PDE6C: variants seen among roughly 807,000 people sequenced by gnomAD.
The protein encoded by PDE6C is phosphodiesterase 6C.
Under a neutral mutation model 113.1 loss-of-function variants are expected in PDE6C, and 75 were observed. That is an observed-to-expected ratio of 0.66 (90% CI 0.55 to 0.80). The LOEUF is 0.80. Ranked by LOEUF, PDE6C falls within the 30% of genes least tolerant of loss-of-function variation. The pLI is 0.00. For missense variants in PDE6C, 912 were observed against 1,038.6 expected (o/e 0.88, Z 1.67); for synonymous variants, 375 against 363.7 (o/e 1.03, Z -0.35).
intron 3 of PDE6C, among the ~76,000 whole-genome samples, chr10:93,621,486 G>A (rs977990290): frequency 6.6e-6 from 1 of 152,168 alleles, no homozygotes; most frequent in African/African-American, 2.4e-5. Flanking sequence ...ACGAGTAGAG[G>A]TTGAGAGGGA....
intron 14 of PDE6C, among the ~76,000 whole-genome samples, chr10:93,641,636 T>C (rs1219435877): frequency 6.6e-6 from 1 of 151,982 alleles, no homozygotes; most frequent in Non-Finnish European, 1.5e-5. Context: ...AAAGAGAGAC[T>C]CTGTCTCGAA....
intron 16 of PDE6C, among the ~76,000 whole-genome samples, chr10:93,656,127 C>T (rs146063123): frequency 7.3e-4 from 111 of 152,266 alleles, no homozygotes; most frequent in African/African-American, 2.5e-3. Context: ...GGTTGCTCTC[C>T]GAACAGGTTT....
intron 8 of PDE6C, among the ~76,000 whole-genome samples, chr10:93,633,402 G>A (rs1463354186): frequency 1.3e-5 from 2 of 149,444 alleles, no homozygotes; most frequent in African/African-American, 2.5e-5. Context: ...GGAGGCAGAG[G>A]TTGCAGTGAG....
At position 93,665,944 on chromosome 10, in the gene PDE6C, G is replaced by T. The variant is rs930442611; in HGVS notation, c.*526G>T. On this transcript the variant is annotated 3_prime_UTR_variant, in exon 22 of 22. Coordinates refer to ENST00000371447, the MANE Select transcript of PDE6C (RefSeq NM_006204.4). Reference sequence around the variant, plus strand: ...TCCTTTTCTTATAAGGACTCCAGTAGGACTGGATTAGGGCCTACCCATGTG... The same window carrying T: ...TCCTTTTCTTATAAGGACTCCAGTATGACTGGATTAGGGCCTACCCATGTG... 11 of 181,246 alleles carry T rather than the reference G, an allele frequency of 6.1e-5. No individual in the cohort carries two copies. The highest frequency in any genetic ancestry group is 1.7e-4 in the Admixed American group (3 of 17,624). The allele number at this position is 181,246 out of a possible 1,614,324, so 11.2% of individuals were successfully genotyped here. A position where few individuals can be genotyped will look rare whatever the true frequency, so the allele number is the denominator to read the frequency against.
At chr10:93,634,478 C>T (rs1484186793) in intron 8 of PDE6C, among the ~76,000 whole-genome samples, 1 of 152,180 alleles carries the variant, frequency 6.6e-6, no homozygotes, top group Non-Finnish European at 1.5e-5. Flanking sequence ...TATGTACACA[C>T]ACACATATAT....
chr10:93,613,009 G>T lies in PDE6C; in HGVS notation c.284G>T (p.Arg95Leu), dbSNP rs143356640. ...QRLAHLLQAD[R>L]CSMFLCRSRN... is the part of the protein sequence containing the mutation. Reference sequence around the variant, plus strand: ...CTGGCCCACCTGCTCCAGGCTGACCGCTGCAGCATGTTCCTGTGCCGGTCC... The same window carrying T: ...CTGGCCCACCTGCTCCAGGCTGACCTCTGCAGCATGTTCCTGTGCCGGTCC... The change falls in exon 1 of 22, where the codon CGC (arginine) becomes CTC (leucine). Residue 95 changes from arginine to leucine, a missense_variant. Coordinates refer to ENST00000371447, the MANE Select transcript of PDE6C (RefSeq NM_006204.4). 6.2e-7 allele frequency: 1 copy of T among 1,614,114 alleles called. No individual in the cohort carries two copies. Among genetic ancestry groups the T allele is most frequent in the South Asian group, 1.1e-5 (1 of 91,080 alleles).
intron 21 of PDE6C, among the ~76,000 whole-genome samples, chr10:93,663,390 G>A (rs539822999): frequency 1.3e-5 from 2 of 152,258 alleles, no homozygotes; most frequent in South Asian, 2.1e-4. Flanking sequence ...CGAATTGACC[G>A]GTCCAGTTGA....
intron 11 of PDE6C, among the ~76,000 whole-genome samples, chr10:93,638,677 G>A (rs765622919): frequency 2.6e-5 from 4 of 152,178 alleles, no homozygotes; most frequent in Non-Finnish European, 5.9e-5. Context: ...ATTGAGGAAC[G>A]TAACAAATAT....
chr10:93,619,492 T>G (rs2058435148), intron 1 of PDE6C, among the ~76,000 whole-genome samples: 1 of 152,182 alleles, frequency 6.6e-6, no homozygotes, highest in Non-Finnish European at 1.5e-5. Context: ...AATGGCGCGA[T>G]CTTGGCTTAC....
chr10:93,619,309 T>C (rs1277752881), intron 1 of PDE6C, among the ~76,000 whole-genome samples: 1 of 152,174 alleles, frequency 6.6e-6, no homozygotes, highest in Non-Finnish European at 1.5e-5. Flanking sequence ...AAAATAGGAA[T>C]GGAAGACATA....
At chr10:93,641,769 AC>A (rs1465857618) in intron 14 of PDE6C, among the ~76,000 whole-genome samples, 1 of 151,882 alleles carries the variant, frequency 6.6e-6, no homozygotes, top group Non-Finnish European at 1.5e-5. Flanking sequence ...ACTACCCTTC[AC>A]CTCCCTGGTC....
At chr10:93,656,914 G>T (rs1436921996) in intron 16 of PDE6C, among the ~76,000 whole-genome samples, 1 of 151,946 alleles carries the variant, frequency 6.6e-6, no homozygotes, top group African/African-American at 2.4e-5. Flanking sequence ...CAAATACTAA[G>T]AATAATAAAA....
intron 1 of PDE6C, among the ~76,000 whole-genome samples, chr10:93,619,851 T>C (rs1431937649): frequency 6.6e-6 from 1 of 152,162 alleles, no homozygotes; most frequent in Non-Finnish European, 1.5e-5. Context: ...GAAGGATTAG[T>C]GCAGTATTGT....
chr10:93,637,988 C>CT (rs532458979), intron 11 of PDE6C, among the ~76,000 whole-genome samples: 2 of 152,124 alleles, frequency 1.3e-5, no homozygotes, highest in Non-Finnish European at 2.9e-5. Flanking sequence ...TTGGAATGAT[C>CT]TTTTTTGGCT....
chr10:93,643,367 G>T (rs942274193), intron 14 of PDE6C, among the ~76,000 whole-genome samples: 21 of 152,006 alleles, frequency 1.4e-4, no homozygotes, highest in African/African-American at 5.1e-4. Context: ...GTCAGTGTGT[G>T]TGAATGTCTG....
chr10:93,625,087 G>A (rs1191548871), intron 4 of PDE6C, among the ~76,000 whole-genome samples: 1 of 152,156 alleles, frequency 6.6e-6, no homozygotes, highest in Non-Finnish European at 1.5e-5. Flanking sequence ...ACCTCATGTA[G>A]ACCACTCATG....
In PDE6C at chr10:93,626,729, C is replaced by A. The variant is rs769501918; in HGVS notation, c.1004+25C>A. The A allele has an allele frequency of 3.8e-6, 6 of 1,599,652 alleles. No homozygotes were observed. The African/African-American group carries it at 8.0e-5, about 21-fold the overall frequency. ...CGTGAGTATTGGCAGGAAGTTGCTG[C>A]CGCAGTTGCCGTTGTATTTTTGCAC... On this transcript the variant is annotated intron_variant, in intron 6 of 21. Coordinates refer to ENST00000371447, the MANE Select transcript of PDE6C (RefSeq NM_006204.4).
chr10:93,658,186 A>G lies in PDE6C; in HGVS notation c.2037-715A>G, dbSNP rs1238854233. The stretch of plus-strand genomic sequence containing the variant: ...TTCTGTCTCAAAAAAAAAAAAAAAA[A>G]AAAAAAGAAAAAGAAAAAGAAAAGA... On this transcript the variant is annotated intron_variant, in intron 16 of 21. Transcript: ENST00000371447. 1.3e-3 allele frequency among the ~76,000 whole-genome samples: 184 copies of G among 144,872 alleles called. 3 individuals are homozygous for G. Among genetic ancestry groups the G allele is most frequent in the African/African-American group, 4.5e-3 (171 of 38,384 alleles).
chr10:93,628,835 T>C lies in PDE6C; in HGVS notation c.1072-423T>C, dbSNP rs534059884. Among the ~76,000 whole-genome samples the C allele has an allele frequency of 2.2e-3, 338 of 152,300 alleles. 3 individuals carry two copies. The South Asian group carries it at 0.037, about 17-fold the overall frequency. ...AAAAACTTATCTGGCTGTTTCCTCCTGCCTCTTAACCATCATCTTCTAACC... is the reference window on the plus strand; with the variant it reads ...AAAAACTTATCTGGCTGTTTCCTCCCGCCTCTTAACCATCATCTTCTAACC... On this transcript the variant is annotated intron_variant, in intron 7 of 21. Transcript: ENST00000371447.
Sources: gnomAD v4.1 joint callset for allele counts (sites outside exome capture counted in the v4.1 genomes callset) on GRCh38, gnomAD v4.1.1 for gene constraint, MANE v1.5 for transcripts, NCBI Gene and HGNC (gene_info 2026-07-23, HGNC 2026-07-21) for gene names.